DPP6: variants seen among roughly 807,000 people sequenced by gnomAD.
DPP6 encodes A-type potassium channel modulatory protein DPP6.
A neutral mutation model predicts 122.6 loss-of-function variants in DPP6; 69 were observed. That is an observed-to-expected ratio of 0.56 (90% CI 0.46 to 0.69). The LOEUF (loss-of-function observed/expected upper bound fraction) is 0.69, where lower values mean the gene tolerates loss of function less well. Among genes scored for constraint, DPP6 ranks in the 30% least tolerant of loss-of-function variants. DPP6 has a pLI of 0.00. For synonymous variants in DPP6, 418 were observed against 433.1 expected, an observed-to-expected ratio of 0.97 and a Z score of 0.43; for missense variants, 928 against 1,116.9, an observed-to-expected ratio of 0.83 and a Z score of 2.41.
chr7:154,680,677 TA>T (rs1839221141), intron 7 of DPP6, among the ~76,000 whole-genome samples: 1 of 58,448 alleles, frequency 1.7e-5, no homozygotes, highest in South Asian at 7.4e-4. Context: ...AAAGCAACAT[TA>T]TATATATATT....
chr7:154,462,030 T>C (rs1364208169), intron 2 of DPP6, among the ~76,000 whole-genome samples: 1 of 152,198 alleles, frequency 6.6e-6, no homozygotes, highest in African/African-American at 2.4e-5. Flanking sequence ...TTTGATTTGA[T>C]TTTTGTATAT....
intron 1 of DPP6, among the ~76,000 whole-genome samples, chr7:153,936,369 G>A (rs1220741016): frequency 1.3e-5 from 2 of 152,186 alleles, no homozygotes; most frequent in Non-Finnish European, 2.9e-5. Flanking sequence ...GATGGGGCTG[G>A]GGTGGGGAAC....
At chr7:153,856,739 A>C in the DPP6 span, among the ~76,000 whole-genome samples, 1 of 152,214 alleles carries the variant, frequency 6.6e-6, no homozygotes, top group African/African-American at 2.4e-5. Flanking sequence ...TTTAGGGTCA[A>C]GTGCTAATGA....
chr7:153,880,299 TG>T, the DPP6 span, among the ~76,000 whole-genome samples: 3 of 152,238 alleles, frequency 2.0e-5, no homozygotes, highest in Admixed American at 2.0e-4. Context: ...TGTGCTTCAC[TG>T]ATTCTGTAAA....
chr7:154,669,447 C>A lies in DPP6; in HGVS notation c.762+6C>A. On this transcript the variant is annotated splice_donor_region_variant and intron_variant, in intron 7 of 25. Coordinates refer to ENST00000377770, the MANE Select transcript of DPP6 (RefSeq NM_130797.4). The stretch of plus-strand genomic sequence containing the variant: ...GCCCTAAAGGCCAACAGCTGGTAAG[C>A]CAATCAAGTTCAGTAACTATACTTG... 6.4e-7 allele frequency: 1 copy of A among 1,551,752 alleles called. No homozygotes were observed. The highest frequency in any genetic ancestry group is 8.7e-7 in the Non-Finnish European group (1 of 1,147,424).
At chr7:153,764,011 A>G in the DPP6 span, among the ~76,000 whole-genome samples, 1 of 152,154 alleles carries the variant, frequency 6.6e-6, no homozygotes, top group Non-Finnish European at 1.5e-5. Context: ...AAACAGCCTT[A>G]TTCTTTTCTC....
At chr7:154,194,504 C>T (rs1375719207) in intron 1 of DPP6, among the ~76,000 whole-genome samples, 2 of 152,166 alleles carry the variant, frequency 1.3e-5, no homozygotes, top group South Asian at 4.1e-4. Context: ...TGTGTCTCTC[C>T]TGAGAGTTTC....
intron 1 of DPP6, among the ~76,000 whole-genome samples, chr7:154,212,262 C>T (rs1237783080): frequency 6.6e-6 from 1 of 152,208 alleles, no homozygotes; most frequent in Non-Finnish European, 1.5e-5. Flanking sequence ...ACAGTTTCCC[C>T]AGGCGCTTTC....
intron 1 of DPP6, among the ~76,000 whole-genome samples, chr7:154,099,945 A>G (rs1805615679): frequency 7.3e-6 from 1 of 137,634 alleles, no homozygotes; most frequent in African/African-American, 2.8e-5. Flanking sequence ...GCCAAGATTG[A>G]CCCACAGACC....
At chr7:153,918,481 C>T (rs1387341702) in intron 1 of DPP6, among the ~76,000 whole-genome samples, 2 of 134,448 alleles carry the variant, frequency 1.5e-5, no homozygotes, top group African/African-American at 5.5e-5. Context: ...CTCTCTCTCT[C>T]TCTCTCTCTT....
Position 154,803,857 on chromosome 7 carries a change from G to A in DPP6, c.1408-7G>A, listed in dbSNP as rs1040738423. 6.2e-7 allele frequency: 1 copy of A among 1,613,252 alleles called. No homozygotes were observed. Reference sequence around the variant, plus strand: ...TCTGCTCCTGATGCCATGTCTGTGTGTTTCAGCCCAACAGCAGCAACGACA... The same window carrying A: ...TCTGCTCCTGATGCCATGTCTGTGTATTTCAGCCCAACAGCAGCAACGACA... On this transcript the variant is annotated splice_polypyrimidine_tract_variant and splice_region_variant and intron_variant, in intron 13 of 25. Coordinates refer to ENST00000377770, the MANE Select transcript of DPP6 (RefSeq NM_130797.4).
intron 7 of DPP6, among the ~76,000 whole-genome samples, chr7:154,677,994 G>A (rs1839022950): frequency 6.6e-6 from 1 of 152,168 alleles, no homozygotes; most frequent in Admixed American, 6.5e-5. Flanking sequence ...GTTTGTAAAC[G>A]CAGGGATCAG....
intron 1 of DPP6, among the ~76,000 whole-genome samples, chr7:154,239,818 C>CAAAAAAAAA (rs146860382): frequency 1.1e-5 from 1 of 91,846 alleles, no homozygotes; most frequent in African/African-American, 3.2e-5. Flanking sequence ...ACTAAAACTA[C>CAAAAAAAAA]AAAAAAAAAA....
intron 7 of DPP6, among the ~76,000 whole-genome samples, chr7:154,675,368 G>GA (rs969697502): frequency 1.3e-5 from 2 of 151,908 alleles, no homozygotes; most frequent in South Asian, 2.1e-4. Context: ...AAGAAAAAAA[G>GA]AAAAAAAATT....
At chr7:154,060,015 G>T (rs1236227120) in intron 1 of DPP6, among the ~76,000 whole-genome samples, 10 of 143,664 alleles carry the variant, frequency 7.0e-5, no homozygotes, top group Non-Finnish European at 1.1e-4. Context: ...CATCGCGGGA[G>T]GGGAGGCACC....
At chr7:153,771,426 G>C in the DPP6 span, among the ~76,000 whole-genome samples, 1 of 152,276 alleles carries the variant, frequency 6.6e-6, no homozygotes, top group South Asian at 2.1e-4. Context: ...TGTAACCTCT[G>C]CCTCCCAGGT....
intron 1 of DPP6, among the ~76,000 whole-genome samples, chr7:154,389,293 G>A (rs1283992068): frequency 6.6e-6 from 1 of 152,132 alleles, no homozygotes; most frequent in Non-Finnish European, 1.5e-5. Flanking sequence ...GATAAGATAA[G>A]GAAGTTTAAT....
intron 1 of DPP6, among the ~76,000 whole-genome samples, chr7:154,286,861 A>G (rs1804888525): frequency 2.0e-5 from 3 of 150,002 alleles, no homozygotes; most frequent in African/African-American, 7.4e-5. Context: ...GCTGAAGTGC[A>G]GTGGAGCTAT....
chr7:154,675,713 C>T (rs1013613595), intron 7 of DPP6, among the ~76,000 whole-genome samples: 6 of 152,160 alleles, frequency 3.9e-5, no homozygotes, highest in Non-Finnish European at 7.3e-5. Context: ...ATGGCACATT[C>T]ACCTATTGGC....
Sources: allele counts gnomAD v4.1 joint callset (sites outside exome capture counted in the v4.1 genomes callset), GRCh38; gene constraint gnomAD v4.1.1; transcripts MANE v1.5; gene names NCBI Gene and HGNC (gene_info 2026-07-23, HGNC 2026-07-21).